The following TAF1B variants were observed in gnomAD, a reference collection of about 807,000 sequenced individuals.
The protein encoded by TAF1B is TATA-box binding protein associated factor, RNA polymerase I subunit B, also known as TATA box-binding protein-associated factor RNA polymerase I subunit B.
Under a neutral mutation model 83.9 loss-of-function variants are expected in TAF1B, and 61 were observed. The observed-to-expected ratio is 0.73, with a 90% CI of 0.59 to 0.90. The LOEUF (loss-of-function observed/expected upper bound fraction) is 0.90. Among genes scored for constraint, TAF1B ranks in the 40% least tolerant of loss-of-function variants. The probability of loss-of-function intolerance (pLI) is 0.00; values close to 1 mark genes in which losing one functional copy is unlikely to be tolerated. For synonymous variants in TAF1B, 221 were observed against 224.6 expected (o/e 0.98, Z 0.14); for missense variants, 625 against 677.0 (o/e 0.92, Z 0.85).
intron 4 of TAF1B, chr2:9,852,192 A>G: frequency 3.2e-6 from 1 of 310,204 alleles, no homozygotes; most frequent in Non-Finnish European, 6.4e-6. Flanking sequence ...AGAGCCCAAG[A>G]ATGTGCATTT....
At chr2:9,863,979 C>A (rs1321752910) in intron 5 of TAF1B, among the ~76,000 whole-genome samples, 3 of 151,852 alleles carry the variant, frequency 2.0e-5, no homozygotes, top group Non-Finnish European at 4.4e-5. Context: ...GCACTAAATG[C>A]CCACAAGAGA....
chr2:9,931,417 C>A (rs12617098), intron 14 of TAF1B, among the ~76,000 whole-genome samples: 41,671 of 151,892 alleles, frequency 0.27, 6,756 homozygotes, highest in Middle Eastern at 0.4. Context: ...TATTTCTCCT[C>A]CACTTATGAA....
Position 9,934,098 on chromosome 2 carries a change from TG to T in TAF1B, c.*115del. ...ATACTGCATATATATGTATAGACTC[TG>T]ACACATATTTACATATATATCAAGT... On this transcript the variant is annotated 3_prime_UTR_variant, in exon 15 of 15. Coordinates refer to ENST00000263663, the MANE Select transcript of TAF1B (RefSeq NM_005680.3). 1.2e-6 allele frequency: 1 copy of T among 816,168 alleles called. No individual in the cohort carries two copies. The highest frequency in any genetic ancestry group is 1.9e-6 in the Non-Finnish European group (1 of 529,246). 50.6% of individuals were successfully genotyped at this position (816,168 alleles called of 1,614,324 possible). A position where few individuals can be genotyped will look rare whatever the true frequency, so the allele number is the denominator to read the frequency against.
intron 8 of TAF1B, among the ~76,000 whole-genome samples, chr2:9,886,672 CAA>C (rs1491449863): frequency 2.2e-5 from 3 of 136,974 alleles, no homozygotes; most frequent in Non-Finnish European, 5.1e-5. Flanking sequence ...TAGGGGACTG[CAA>C]GAGAGAGAGA....
At chr2:9,884,132 G>A (rs962067639) in intron 8 of TAF1B, among the ~76,000 whole-genome samples, 6 of 152,228 alleles carry the variant, frequency 3.9e-5, no homozygotes, top group African/African-American at 1.2e-4. Flanking sequence ...GGCAGTTCCA[G>A]GTGCCAGCAT....
In TAF1B at chr2:9,882,734, A is replaced by T; in HGVS notation, c.736A>T (p.Ile246Leu). Reference protein sequence around the residue: ...RFVEEDHIPYINAFQHFPEQM... With the variant: ...RFVEEDHIPYLNAFQHFPEQM... ...TGTTGAAGAGGACCATATTCCTTAC[A>T]TAAATGCTTTTCAGCATTTTCCAGA... Residue 246 changes from isoleucine to leucine, a missense_variant, in exon 8 of 15, where the codon ATA (isoleucine) becomes TTA (leucine). Coordinates refer to ENST00000263663, the MANE Select transcript of TAF1B (RefSeq NM_005680.3). 6.2e-7 allele frequency: 1 copy of T among 1,611,614 alleles called. No homozygotes were observed. Among genetic ancestry groups the T allele is most frequent in the South Asian group, 1.1e-5 (1 of 90,434 alleles).
intron 3 of TAF1B, among the ~76,000 whole-genome samples, chr2:9,850,534 G>T (rs941345339): frequency 2.0e-5 from 3 of 152,130 alleles, no homozygotes; most frequent in South Asian, 2.1e-4. Context: ...ACCCTTTCTG[G>T]GAAGGAATTG....
At chr2:9,911,359 T>C in intron 10 of TAF1B, 152 bp from the exon 11 acceptor site, 1 of 557,884 alleles carries the variant, frequency 1.8e-6, no homozygotes, top group Non-Finnish European at 3.1e-6. Flanking sequence ...GTATTTATAG[T>C]GTCTCCTCCT....
intron 7 of TAF1B, among the ~76,000 whole-genome samples, chr2:9,879,368 G>A (rs1015752709): frequency 2.0e-5 from 3 of 152,184 alleles, no homozygotes; most frequent in Non-Finnish European, 2.9e-5. Flanking sequence ...GCTGGGTGGC[G>A]CTACAGCTTG....
At chr2:9,873,430 C>T (rs1450132643) in intron 6 of TAF1B, among the ~76,000 whole-genome samples, 1 of 152,114 alleles carries the variant, frequency 6.6e-6, no homozygotes, top group African/African-American at 2.4e-5. Context: ...TATGTGACTT[C>T]ACCTAATACC....
chr2:9,918,926 C>T, intron 12 of TAF1B, 115 bp from the exon 13 acceptor site: 1 of 890,334 alleles, frequency 1.1e-6, no homozygotes, highest in Non-Finnish European at 1.8e-6. Flanking sequence ...TGCCAGTAGG[C>T]CATTCCAAGC....
At chr2:9,924,057 C>T (rs1665964508) in intron 14 of TAF1B, among the ~76,000 whole-genome samples, 1 of 152,106 alleles carries the variant, frequency 6.6e-6, no homozygotes. Flanking sequence ...GTATAGTCAG[C>T]GATGAAACTG....
chr2:9,916,624 T>G (rs1002523929), intron 12 of TAF1B, among the ~76,000 whole-genome samples: 4 of 152,212 alleles, frequency 2.6e-5, no homozygotes, highest in Admixed American at 6.5e-5. Flanking sequence ...CTTTGAGATT[T>G]TATTATTTAA....
At chr2:9,918,150 A>G (rs1047313976) in intron 12 of TAF1B, among the ~76,000 whole-genome samples, 8 of 152,218 alleles carry the variant, frequency 5.3e-5, no homozygotes, top group Non-Finnish European at 1.0e-4. Flanking sequence ...CTTTCAAAAT[A>G]AGAAAATGGC....
At chr2:9,903,128 C>G (rs1665232028) in intron 8 of TAF1B, among the ~76,000 whole-genome samples, 1 of 152,078 alleles carries the variant, frequency 6.6e-6, no homozygotes, top group Admixed American at 6.6e-5. Flanking sequence ...CTCTGTCGCC[C>G]AGGCTGGAGT....
At chr2:9,880,254 T>G (rs146245043) in intron 7 of TAF1B, among the ~76,000 whole-genome samples, 3 of 152,246 alleles carry the variant, frequency 2.0e-5, no homozygotes, top group Non-Finnish European at 2.9e-5. Context: ...TACATAATTA[T>G]AAGTAGAGAC....
intron 4 of TAF1B, chr2:9,851,962 T>G (rs1280982491): frequency 2.0e-6 from 1 of 500,236 alleles, no homozygotes; most frequent in South Asian, 1.5e-5. Context: ...CTTGTTTAAT[T>G]TCCAGGGAAT....
chr2:9,862,633 A>G (rs1663812949), intron 5 of TAF1B, among the ~76,000 whole-genome samples: 1 of 152,302 alleles, frequency 6.6e-6, no homozygotes, highest in East Asian at 1.9e-4. Flanking sequence ...ACTCCAAGAC[A>G]CATAATTGTC....
At chr2:9,875,524 G>A (rs990204139) in intron 6 of TAF1B, among the ~76,000 whole-genome samples, 6 of 152,124 alleles carry the variant, frequency 3.9e-5, no homozygotes, top group Non-Finnish European at 7.4e-5. Flanking sequence ...TCACAATCAC[G>A]GTAGAAGGTG....
Sources: gnomAD v4.1 joint callset for allele counts (sites outside exome capture counted in the v4.1 genomes callset) on GRCh38, gnomAD v4.1.1 for gene constraint, MANE v1.5 for transcripts, NCBI Gene and HGNC (gene_info 2026-07-23, HGNC 2026-07-21) for gene names.